SORT1: variants seen among roughly 807,000 people sequenced by gnomAD.
SORT1 encodes the protein sortilin 1, also known as sortilin.
SORT1 carries 39 observed loss-of-function variants against 101.7 expected under a neutral mutation model. The ratio of observed to expected loss-of-function variants is 0.38; its 90% confidence interval spans 0.30 to 0.50. SORT1 has a LOEUF of 0.50. SORT1 is among the 20% of genes least tolerant of loss of function. The probability of loss-of-function intolerance (pLI) is 0.90; values close to 1 mark genes in which losing one functional copy is unlikely to be tolerated. For missense variants in SORT1, 878 were observed against 1,040.4 expected (o/e 0.84, Z 2.15); for synonymous variants, 396 against 393.7 (o/e 1.01, Z -0.07).
intron 11 of SORT1, among the ~76,000 whole-genome samples, chr1:109,332,237 A>T (rs1398028355): frequency 1.3e-5 from 2 of 152,178 alleles, no homozygotes; most frequent in African/African-American, 4.8e-5. Flanking sequence ...AATTCATCAG[A>T]TGTTTACTGA....
At chr1:109,362,917 A>G (rs761024765) in intron 3 of SORT1, among the ~76,000 whole-genome samples, 7 of 152,218 alleles carry the variant, frequency 4.6e-5, no homozygotes, top group Non-Finnish European at 1.0e-4. Flanking sequence ...TGAGCATATC[A>G]TTAAAAAGGT....
At chr1:109,342,457 C>T (rs529474764) in intron 8 of SORT1, among the ~76,000 whole-genome samples, 1 of 152,178 alleles carries the variant, frequency 6.6e-6, no homozygotes, top group Non-Finnish European at 1.5e-5. Context: ...CCACCTCCTT[C>T]AGTAGAGCTA....
chr1:109,327,502 G>T lies in SORT1; in HGVS notation c.1471C>A (p.His491Asn). ...TGGTGAGTGGGAGGTTCCTTACCATGAGCAATGACAATGCCTACGGCATTC... is the reference window on the plus strand; with the variant it reads ...TGGTGAGTGGGAGGTTCCTTACCATTAGCAATGACAATGCCTACGGCATTC... ...EPNAVGIVIAHGSVGDAISVM... is the reference protein window; with the variant it reads ...EPNAVGIVIANGSVGDAISVM... Residue 491 changes from histidine (H) to asparagine (N), a missense_variant, in exon 12 of 20, where the codon CAT (histidine) becomes AAT (asparagine). His to Asn is a moderately conservative substitution (Grantham distance 68). Coordinates refer to ENST00000256637, the MANE Select transcript of SORT1 (RefSeq NM_002959.7). The T allele has an allele frequency of 6.3e-7, 1 of 1,593,430 alleles. No individual in the cohort carries two copies. Among genetic ancestry groups the T allele is most frequent in the Non-Finnish European group, 8.6e-7 (1 of 1,166,962 alleles).
chr1:109,356,023 C>T (rs1650296810), intron 3 of SORT1, among the ~76,000 whole-genome samples: 1 of 152,144 alleles, frequency 6.6e-6, no homozygotes, highest in Admixed American at 6.5e-5. Flanking sequence ...AGGTCCGTGT[C>T]ACCACGCCTG....
At chr1:109,343,563 A>T (rs1054470539) in intron 8 of SORT1, among the ~76,000 whole-genome samples, 1 of 152,270 alleles carries the variant, frequency 6.6e-6, no homozygotes, top group African/African-American at 2.4e-5. Flanking sequence ...CAAATACCAT[A>T]GCAATTAGGG....
intron 6 of SORT1, among the ~76,000 whole-genome samples, chr1:109,350,348 C>T (rs892112321): frequency 1.4e-4 from 22 of 152,230 alleles, no homozygotes; most frequent in African/African-American, 5.1e-4. Flanking sequence ...GAGCCCCTGA[C>T]TAGCAGCAGA....
Position 109,378,698 on chromosome 1 carries a change from TGATA to T in SORT1, c.307-9113_307-9110del, listed in dbSNP as rs1652011084. Among the ~76,000 whole-genome samples, 9 of 62,166 alleles carry T rather than the reference TGATA, an allele frequency of 1.4e-4. 1 individual carries two copies. The highest frequency in any genetic ancestry group is 5.3e-4 in the African/African-American group (8 of 15,036). 40.8% of individuals were successfully genotyped at this position (62,166 alleles called of 152,430 possible). ...TCCAGCCAACAGAAGGTAGAGTGAATGATATATATATATATATATATATATATAT... is the reference window on the plus strand; with the variant it reads ...TCCAGCCAACAGAAGGTAGAGTGAATTATATATATATATATATATATATAT... On this transcript the variant is annotated intron_variant, in intron 1 of 19. Transcript: ENST00000256637.
chr1:109,357,034 G>C (rs957689342), intron 3 of SORT1, among the ~76,000 whole-genome samples: 89 of 152,294 alleles, frequency 5.8e-4, no homozygotes, highest in African/African-American at 2.1e-3. Context: ...GGTTACCAAT[G>C]GACTGTTTAT....
Position 109,354,529 on chromosome 1 carries a change from C to T in SORT1, c.546G>A (p.Val182=). 2 of 1,610,972 alleles carry T rather than the reference C, an allele frequency of 1.2e-6. No individual in the cohort carries two copies. Among genetic ancestry groups the T allele is most frequent in the South Asian group, 2.2e-5 (2 of 90,810 alleles). ...CTCCAGACACCTCTGCTGTTAACACCACCTGATAGGAAGAGGAAAGATCTG... is the reference window on the plus strand; with the variant it reads ...CTCCAGACACCTCTGCTGTTAACACTACCTGATAGGAAGAGGAAAGATCTG... ...MAIGPENSGK[V]VLTAEVSGGS... Residue 182 remains valine (V), a splice_region_variant and synonymous_variant, in exon 5 of 20, where the codon GTG becomes GTA. Transcript: ENST00000256637.
intron 1 of SORT1, among the ~76,000 whole-genome samples, chr1:109,372,817 TGA>T (rs1484992528): frequency 1.1e-4 from 16 of 148,912 alleles, no homozygotes. Flanking sequence ...GAGAATGGCG[TGA>T]ACCTGGGAGG....
Position 109,397,876 on chromosome 1 carries a change from C to A in SORT1, c.17G>T (p.Gly6Val). 8.3e-7 allele frequency: 1 copy of A among 1,209,404 alleles called. No homozygotes were observed. Among genetic ancestry groups the A allele is most frequent in the Non-Finnish European group, 1.0e-6 (1 of 969,830 alleles). 74.9% of individuals were successfully genotyped at this position (1,209,404 alleles called of 1,614,324 possible). A position where few individuals can be genotyped will look rare whatever the true frequency, so the allele number is the denominator to read the frequency against. The change falls in exon 1 of 20, where the codon GGA becomes GTA. Residue 6 changes from glycine (G) to valine (V), a missense_variant. Gly to Val is a moderately radical substitution (Grantham distance 109, BLOSUM62 -3). Transcript: ENST00000256637. Reference sequence around the variant, plus strand: ...CCAGCGCGAGAGGCCGTCCGCAGCTCCCCAGGGCCGCTCCATCGCCGCCGA... The same window carrying A: ...CCAGCGCGAGAGGCCGTCCGCAGCTACCCAGGGCCGCTCCATCGCCGCCGA... The part of the protein sequence containing the change: MERPW[G>V]AADGLSRWPH...
intron 15 of SORT1, 122 bp downstream of exon 15, chr1:109,322,810 G>A: frequency 1.3e-6 from 1 of 748,724 alleles, no homozygotes; most frequent in South Asian, 1.8e-5. Flanking sequence ...AAAGTGCTGG[G>A]ATTACAGGTG....
chr1:109,343,495 T>TC (rs2101584832), intron 8 of SORT1, among the ~76,000 whole-genome samples: 1 of 152,286 alleles, frequency 6.6e-6, no homozygotes, highest in East Asian at 1.9e-4. Flanking sequence ...TGCTCAGTCC[T>TC]CCCACCTCTT....
rs5776972 is a variant in SORT1, at chr1:109,312,513, T to TAA, written c.*1528_*1529dup. The TAA allele has an allele frequency of 6.8e-4, 96 of 141,574 alleles. No homozygotes were observed. The Middle Eastern group carries it at 0.011, about 16-fold the overall frequency. 8.8% of individuals were successfully genotyped at this position (141,574 alleles called of 1,614,324 possible). A position where few individuals can be genotyped will look rare whatever the true frequency, so the allele number is the denominator to read the frequency against. ...ACTAAAGTTAATTTGGCACTTCAAA[T>TAA]AAAAAAAAAAAAAAACACACAAAAC... On this transcript the variant is annotated 3_prime_UTR_variant, in exon 20 of 20. Transcript: ENST00000256637.
chr1:109,397,886 G>A lies in SORT1; in HGVS notation c.7C>T (p.Arg3Trp), dbSNP rs1312620348. 2.6e-6 allele frequency: 3 copies of A among 1,171,698 alleles called. No homozygotes were observed. The highest frequency in any genetic ancestry group is 3.2e-6 in the Non-Finnish European group (3 of 949,328). The allele number at this position is 1,171,698 out of a possible 1,614,324, so 72.6% of individuals were successfully genotyped here. Residue 3 changes from arginine (R) to tryptophan (W), a missense_variant, in exon 1 of 20, where the codon CGG (arginine) becomes TGG (tryptophan). This residue lies in a region of SORT1 where 194 missense variants were observed against 145.9 expected (regional missense o/e 1.33). Transcript: ENST00000256637. ...AGGCCGTCCGCAGCTCCCCAGGGCC[G>A]CTCCATCGCCGCCGAATGCCGCCGA... ME[R>W]PWGAADGLSR... is the part of the protein sequence containing the mutation.
intron 1 of SORT1, among the ~76,000 whole-genome samples, chr1:109,381,858 T>C (rs1352794843): frequency 6.6e-6 from 1 of 150,992 alleles, no homozygotes; most frequent in Admixed American, 6.6e-5. Flanking sequence ...AGCAAGATTG[T>C]CCCTTAAAAA....
chr1:109,369,256 A>G (rs1178946885), intron 2 of SORT1, among the ~76,000 whole-genome samples: 1 of 152,156 alleles, frequency 6.6e-6, no homozygotes, highest in Non-Finnish European at 1.5e-5. Flanking sequence ...CGGGAGGTGG[A>G]GGTTGCAGTG....
intron 1 of SORT1, among the ~76,000 whole-genome samples, chr1:109,377,018 C>T (rs1040885864): frequency 6.6e-6 from 1 of 152,144 alleles, no homozygotes; most frequent in Non-Finnish European, 1.5e-5. Flanking sequence ...GAAAGACAGC[C>T]TAAGTCCCAT....
chr1:109,388,296 G>A (rs1461636727), intron 1 of SORT1, among the ~76,000 whole-genome samples: 2 of 151,730 alleles, frequency 1.3e-5, no homozygotes, highest in Non-Finnish European at 2.9e-5. Flanking sequence ...GGAATGCAGC[G>A]GCGCAATCAT....
Sources: allele counts gnomAD v4.1 joint callset (sites outside exome capture counted in the v4.1 genomes callset), GRCh38; gene constraint gnomAD v4.1.1; regional missense constraint gnomAD v4.1.1; transcripts MANE v1.5; gene names NCBI Gene and HGNC (gene_info 2026-07-23, HGNC 2026-07-21).